Variants in HDHD2 observed in about 807,000 individuals in gnomAD.
HDHD2 encodes haloacid dehalogenase-like hydrolase domain-containing protein 2.
Under a neutral mutation model 24.8 loss-of-function variants are expected in HDHD2, and 26 were observed. That is an observed-to-expected ratio of 1.05 (90% CI 0.77 to 1.45). The LOEUF is 1.45. HDHD2 is among the 40% of genes most tolerant of loss of function. The probability of loss-of-function intolerance (pLI) is 0.00; values close to 1 mark genes in which losing one functional copy is unlikely to be tolerated. For missense variants in HDHD2, 299 were observed against 313.4 expected (o/e 0.95, Z 0.35); for synonymous variants, 128 against 114.9 (o/e 1.11, Z -0.73).
chr18:47,123,685 A>G (rs2063628911), intron 4 of HDHD2, among the ~76,000 whole-genome samples: 1 of 152,226 alleles, frequency 6.6e-6, no homozygotes, highest in Admixed American at 6.5e-5. Context: ...TAAAAACTAT[A>G]AAACACTGAT....
chr18:47,120,257 T>C (rs907616827), intron 4 of HDHD2, among the ~76,000 whole-genome samples: 6 of 152,256 alleles, frequency 3.9e-5, no homozygotes, highest in Admixed American at 3.3e-4. Context: ...TTGTTTAGTG[T>C]AGACGCCTTC....
intron 4 of HDHD2, among the ~76,000 whole-genome samples, chr18:47,129,038 A>G (rs116805156): frequency 1.7e-3 from 259 of 152,264 alleles, no homozygotes; most frequent in African/African-American, 5.9e-3. Context: ...AAATACAAAA[A>G]CTTTACCAGG....
intron 4 of HDHD2, among the ~76,000 whole-genome samples, chr18:47,129,293 C>T (rs2063689682): frequency 6.6e-6 from 1 of 152,116 alleles, no homozygotes; most frequent in Non-Finnish European, 1.5e-5. Flanking sequence ...TTAGAAGTAG[C>T]AGCAAAATAG....
Position 47,128,214 on chromosome 18 carries a change from CAA to C in HDHD2, c.395+2028_395+2029del, listed in dbSNP as rs1313418772. On this transcript the variant is annotated intron_variant, in intron 4 of 6. Coordinates refer to ENST00000300605, the MANE Select transcript of HDHD2 (RefSeq NM_032124.5). Reference sequence around the variant, plus strand: ...TAATTAGACAGCATCCGAGCAATTACAAAGTCAGTATTATGTCAACATACATT... The same window carrying C: ...TAATTAGACAGCATCCGAGCAATTACAGTCAGTATTATGTCAACATACATT... Among the ~76,000 whole-genome samples the C allele has an allele frequency of 3.9e-5, 6 of 152,298 alleles. No homozygotes were observed. The East Asian group carries it at 1.2e-3, about 29-fold the overall frequency.
intron 4 of HDHD2, among the ~76,000 whole-genome samples, chr18:47,129,799 G>A (rs149818529): frequency 2.0e-5 from 3 of 152,284 alleles, no homozygotes; most frequent in East Asian, 1.9e-4. Flanking sequence ...CTGCTCGGGC[G>A]TGCTGGCACA....
intron 6 of HDHD2, 106 bp from the exon 7 acceptor site, chr18:47,108,891 C>A: frequency 1.5e-6 from 1 of 668,134 alleles, no homozygotes. Context: ...ACAGTTAAGA[C>A]AGAATCAGGG....
rs1251809403 is a variant in HDHD2 at position 47,107,700 on chromosome 18, A to T, written c.*982T>A. ...AGAATAATCCATGCTACAAGACGAG[A>T]TTTCATTTTACAGCTGTAGTAACCA... is the stretch of plus-strand genomic sequence containing the variant. On this transcript the variant is annotated 3_prime_UTR_variant, in exon 7 of 7. Transcript: ENST00000300605. 2 of 152,566 alleles carry T rather than the reference A, an allele frequency of 1.3e-5. No homozygotes were observed. The highest frequency in any genetic ancestry group is 1.3e-4 in the Admixed American group (2 of 15,276). The allele number at this position is 152,566 out of a possible 1,614,324, so 9.5% of individuals were successfully genotyped here. A position where few individuals can be genotyped will look rare whatever the true frequency, so the allele number is the denominator to read the frequency against.
chr18:47,129,638 CA>C (rs2063693254), intron 4 of HDHD2, among the ~76,000 whole-genome samples: 1 of 152,114 alleles, frequency 6.6e-6, no homozygotes, highest in Non-Finnish European at 1.5e-5. Context: ...AAAGTGTGGT[CA>C]AATGTGTCAA....
intron 1 of HDHD2, among the ~76,000 whole-genome samples, chr18:47,143,687 T>C (rs779029198): frequency 2.8e-4 from 43 of 152,244 alleles, no homozygotes; most frequent in Non-Finnish European, 4.6e-4. Context: ...CATTAACCAA[T>C]GGCTCCATTT....
intron 2 of HDHD2, among the ~76,000 whole-genome samples, chr18:47,135,109 T>C (rs1453849791): frequency 6.6e-6 from 1 of 152,118 alleles, no homozygotes; most frequent in Admixed American, 6.6e-5. Context: ...CCTAACTAAA[T>C]TGGTAACTCC....
At chr18:47,141,149 T>G (rs1374519845) in intron 1 of HDHD2, among the ~76,000 whole-genome samples, 2 of 152,192 alleles carry the variant, frequency 1.3e-5, no homozygotes, top group African/African-American at 4.8e-5. Context: ...ATTCCCAGTT[T>G]GCTAAAAATT....
Position 47,140,527 on chromosome 18 carries a change from C to T in HDHD2, c.-10-4078G>A, listed in dbSNP as rs149968583. Among the ~76,000 whole-genome samples, 601 of 151,238 alleles carry T rather than the reference C, an allele frequency of 4.0e-3. 1 individual carries two copies. The highest frequency in any genetic ancestry group is 0.014 in the African/African-American group (564 of 41,214). Reference sequence around the variant, plus strand: ...TTATATCCTTTAACCATTCCAAACTCTTTTTTTTTGAGACAGGGCCTTGTT... The same window carrying T: ...TTATATCCTTTAACCATTCCAAACTTTTTTTTTTTGAGACAGGGCCTTGTT... On this transcript the variant is annotated intron_variant, in intron 1 of 6. Transcript: ENST00000300605.
intron 4 of HDHD2, among the ~76,000 whole-genome samples, chr18:47,124,438 G>A (rs1893041671): frequency 6.6e-6 from 1 of 152,186 alleles, no homozygotes; most frequent in African/African-American, 2.4e-5. Context: ...CGGGCGCAGT[G>A]GCTCACGCCT....
chr18:47,122,734 C>T lies in HDHD2; in HGVS notation c.396-7386G>A, dbSNP rs533752630. Among the ~76,000 whole-genome samples the T allele has an allele frequency of 1.4e-4, 22 of 151,938 alleles. No homozygotes were observed. The South Asian group carries it at 4.6e-3, about 32-fold the overall frequency. On this transcript the variant is annotated intron_variant, in intron 4 of 6. Transcript: ENST00000300605. ...GGCACAGTAATTCTCTTATTAATTA[C>T]TGAAAAAAATGTAGTGAGTTTGTAA...
chr18:47,119,357 T>A (rs2063584669), intron 4 of HDHD2, among the ~76,000 whole-genome samples: 1 of 152,264 alleles, frequency 6.6e-6, no homozygotes. Context: ...TGCTGCTTTA[T>A]CAGTTAAGTT....
intron 1 of HDHD2, chr18:47,136,970 T>C (rs72907220): frequency 0.013 from 6,987 of 551,604 alleles, 61 homozygotes; most frequent in Non-Finnish European, 0.018. Flanking sequence ...GGTGCAGACA[T>C]GGTACCTCTT....
intron 4 of HDHD2, among the ~76,000 whole-genome samples, chr18:47,128,014 C>T (rs143701870): frequency 2.6e-5 from 4 of 151,908 alleles, no homozygotes; most frequent in Middle Eastern, 3.4e-3. Context: ...CAGCTGCAGT[C>T]ATTGGTTGGA....
intron 4 of HDHD2, among the ~76,000 whole-genome samples, chr18:47,118,999 A>T (rs1005990030): frequency 6.6e-6 from 1 of 152,242 alleles, no homozygotes; most frequent in Non-Finnish European, 1.5e-5. Flanking sequence ...GGTTTTCCAT[A>T]GTCTATTAAG....
chr18:47,112,277 A>G (rs2063521801), intron 6 of HDHD2, among the ~76,000 whole-genome samples: 1 of 152,142 alleles, frequency 6.6e-6, no homozygotes, highest in African/African-American at 2.4e-5. Context: ...GTCCAATCCC[A>G]TCATTCTCAC....
Sources: gnomAD v4.1 joint callset for allele counts (sites outside exome capture counted in the v4.1 genomes callset) on GRCh38, gnomAD v4.1.1 for gene constraint, MANE v1.5 for transcripts, NCBI Gene and HGNC (gene_info 2026-07-23, HGNC 2026-07-21) for gene names.